The following MRM1 variants were observed in gnomAD, a reference collection of about 807,000 sequenced individuals.
MRM1 encodes the protein mitochondrial rRNA methyltransferase 1.
In MRM1, 24 loss-of-function variants were observed where a neutral mutation model predicts 25.0. That is an observed-to-expected ratio of 0.96 (90% CI 0.69 to 1.35). The LOEUF (loss-of-function observed/expected upper bound fraction) is 1.35. Ranked by LOEUF, MRM1 falls within the 40% of genes most tolerant of loss-of-function variation. The pLI, the probability that MRM1 is intolerant of heterozygous loss-of-function variation, is 0.00. For synonymous variants in MRM1, 188 were observed against 199.2 expected (o/e 0.94, Z 0.47); for missense variants, 431 against 464.1 (o/e 0.93, Z 0.65).
At chr17:36,624,460 T>G in the MRM1 span, among the ~76,000 whole-genome samples, 1 of 152,108 alleles carries the variant, frequency 6.6e-6, no homozygotes, top group Admixed American at 6.5e-5. The surrounding 1 kb of genome is among the most constrained non-coding windows in gnomAD (Gnocchi z 4.0). Flanking sequence ...CAGTCTCAGA[T>G]GAGGCTGATG....
Position 36,602,314 on chromosome 17 carries a change from C to G in MRM1, c.504C>G (p.Phe168Leu), listed in dbSNP as rs138258458. The change falls in exon 1 of 5, where the codon TTC becomes TTG. Residue 168 changes from phenylalanine to leucine, a missense_variant. Coordinates refer to ENST00000614766, the MANE Select transcript of MRM1 (RefSeq NM_024864.5). The surrounding 1 kb of genome is among the most constrained non-coding windows in gnomAD (Gnocchi z 4.1). ...GGGCTGTGCTGCGTTCCGCACACTTCCTCGGAGTGGATAAGGTCATCACCA... is the reference window on the plus strand; with the variant it reads ...GGGCTGTGCTGCGTTCCGCACACTTGCTCGGAGTGGATAAGGTCATCACCA... ...NFGAVLRSAH[F>L]LGVDKVITSR... 6.6e-4 allele frequency: 1,040 copies of G among 1,584,742 alleles called. 6 individuals are homozygous for G. In the African/African-American group the frequency reaches 0.013, roughly 19 times the overall value.
the MRM1 span, among the ~76,000 whole-genome samples, chr17:36,617,063 A>T: frequency 6.6e-6 from 1 of 152,108 alleles, no homozygotes; most frequent in South Asian, 2.1e-4. Flanking sequence ...GGGACATTCC[A>T]GTGGAGGTGC....
chr17:36,613,113 C>T (rs966925798), downstream of MRM1, among the ~76,000 whole-genome samples: 3 of 152,054 alleles, frequency 2.0e-5, no homozygotes, highest in Non-Finnish European at 4.4e-5. Context: ...TTGGTATTCT[C>T]GGAGCAGCTA....
the MRM1 span, among the ~76,000 whole-genome samples, chr17:36,622,725 C>T: frequency 1.8e-3 from 274 of 152,236 alleles, 1 homozygote; most frequent in African/African-American, 6.2e-3. Flanking sequence ...CTGGAGAGAG[C>T]GGACTAAGAG....
At chr17:36,605,343 C>CTTT (rs71159625) in intron 2 of MRM1, among the ~76,000 whole-genome samples, 18 of 144,854 alleles carry the variant, frequency 1.2e-4, no homozygotes, top group African/African-American at 2.5e-4. Flanking sequence ...TTTTCTTTTT[C>CTTT]TTTTTTTTTT....
chr17:36,602,218 G>C lies in MRM1; in HGVS notation c.408G>C (p.Glu136Asp). The C allele has an allele frequency of 6.2e-7, 1 of 1,610,482 alleles. No homozygotes were observed. The highest frequency in any genetic ancestry group is 2.2e-5 in the East Asian group (1 of 44,776). The change falls in exon 1 of 5, where the codon GAG (glutamate) becomes GAC (aspartate). Residue 136 changes from glutamate (E) to aspartate (D), a missense_variant. Coordinates refer to ENST00000614766, the MANE Select transcript of MRM1 (RefSeq NM_024864.5). This position sits in a 1 kb window ranked among gnomAD's most constrained non-coding sequence, Gnocchi z 4.1. Reference protein sequence around the residue: ...LRPRPWREAGEASPGDDPQQL... With the variant: ...LRPRPWREAGDASPGDDPQQL... ...CCCGGCCTTGGAGAGAGGCCGGGGA[G>C]GCGAGCCCAGGCGACGACCCCCAGC... is the stretch of plus-strand genomic sequence containing the variant.
At chr17:36,610,717 T>C (rs192139140), downstream of MRM1, among the ~76,000 whole-genome samples, 83 of 152,364 alleles carry the variant, frequency 5.4e-4, no homozygotes, top group African/African-American at 1.3e-3. Context: ...TGGCTTGTCA[T>C]TGGGGTCAAG....
chr17:36,630,061 A>G, the MRM1 span, among the ~76,000 whole-genome samples: 4 of 152,220 alleles, frequency 2.6e-5, no homozygotes, highest in African/African-American at 9.6e-5. Context: ...TGGGCAAGCC[A>G]CTAAGACCTC....
At chr17:36,622,571 C>CA in the MRM1 span, among the ~76,000 whole-genome samples, 5,750 of 104,146 alleles carry the variant, frequency 0.055, 261 homozygotes, top group African/African-American at 0.14. Context: ...GACTCCGTCT[C>CA]AAAAAAAAAA....
At chr17:36,613,205 C>A (rs1468710265), downstream of MRM1, among the ~76,000 whole-genome samples, 1 of 152,150 alleles carries the variant, frequency 6.6e-6, no homozygotes, top group Admixed American at 6.5e-5. Context: ...TCCCCCTCCC[C>A]CTAGGTTGGG....
At chr17:36,603,221 G>T (rs1425673474) in intron 2 of MRM1, 5 of 985,004 alleles carry the variant, frequency 5.1e-6, no homozygotes, top group African/African-American at 1.7e-5. Flanking sequence ...TCTTAAGAAG[G>T]GGGAGAGCTC....
rs1448314252 is a variant in MRM1 at position 36,602,495 on chromosome 17, G to T, written c.543-58G>T. On this transcript the variant is annotated intron_variant, in intron 1 of 4. Coordinates refer to ENST00000614766, the MANE Select transcript of MRM1 (RefSeq NM_024864.5). The surrounding 1 kb of genome is among the most constrained non-coding windows in gnomAD (Gnocchi z 4.1). ...CCTAGCCCTTGGGAGCCCTGGGAGG[G>T]TAGGGAGCCGGGCTTGAGATGGCCC... The T allele has an allele frequency of 3.7e-6, 6 of 1,611,094 alleles. No individual in the cohort carries two copies. The highest frequency in any genetic ancestry group is 5.1e-6 in the Non-Finnish European group (6 of 1,177,650).
the MRM1 span, among the ~76,000 whole-genome samples, chr17:36,625,340 CCTT>C: frequency 2.9e-5 from 2 of 70,028 alleles, no homozygotes; most frequent in African/African-American, 9.5e-5. Context: ...TTCTCCTTCG[CCTT>C]CTTCTTCTTC....
Position 36,601,597 on chromosome 17 carries a change from G to C in MRM1, c.-214G>C, listed in dbSNP as rs1227895963. 4 of 489,624 alleles carry C rather than the reference G, an allele frequency of 8.2e-6. No homozygotes were observed. The highest frequency in any genetic ancestry group is 1.4e-5 in the Non-Finnish European group (4 of 285,216). 30.3% of individuals were successfully genotyped at this position (489,624 alleles called of 1,614,324 possible). ...GGCGGGCTCCCGAACCCGGAAGCGA[G>C]GGACCCACGTGGGAGCCTGGGAGCG... On this transcript the variant is annotated 5_prime_UTR_variant, in exon 1 of 5. Coordinates refer to ENST00000614766, the MANE Select transcript of MRM1 (RefSeq NM_024864.5).
At chr17:36,604,030 G>A (rs1211613218) in intron 2 of MRM1, among the ~76,000 whole-genome samples, 1 of 152,232 alleles carries the variant, frequency 6.6e-6, no homozygotes, top group Non-Finnish European at 1.5e-5. Flanking sequence ...GACCTGGAGA[G>A]TGTCATCCGC....
At chr17:36,630,716 G>C in the MRM1 span, among the ~76,000 whole-genome samples, 470 of 152,306 alleles carry the variant, frequency 3.1e-3, 2 homozygotes, top group African/African-American at 0.011. Flanking sequence ...ACTCCTGGGG[G>C]AGAGGTCTCG....
chr17:36,632,499 T>G, the MRM1 span, among the ~76,000 whole-genome samples: 1 of 152,022 alleles, frequency 6.6e-6, no homozygotes, highest in Non-Finnish European at 1.5e-5. Context: ...GCCTGTGGGG[T>G]GGGCATGCAA....
chr17:36,610,293 C>T (rs1156397739), downstream of MRM1, among the ~76,000 whole-genome samples: 1 of 150,014 alleles, frequency 6.7e-6, no homozygotes, highest in Non-Finnish European at 1.5e-5. Flanking sequence ...AGTGCAGTGG[C>T]GCGATCTCGG....
chr17:36,601,907 GA>G lies in MRM1; in HGVS notation c.98del (p.Glu33GlyfsTer3). Reference protein sequence around the residue: ...AARHGERPGGEELSRLLLDDL... With the variant: ...AARHGERPGGXELSRLLLDDL... ...GCGGCATGGGGAGCGGCCTGGTGGG[GA>G]GGAGCTAAGCCGCTTGCTGCTGGAT... On this transcript the variant is annotated frameshift_variant, in exon 1 of 5. Transcript: ENST00000614766. LOFTEE classifies it high-confidence loss of function. 2 of 1,612,140 alleles carry G rather than the reference GA, an allele frequency of 1.2e-6. No individual in the cohort carries two copies. The highest frequency in any genetic ancestry group is 1.7e-6 in the Non-Finnish European group (2 of 1,179,836).
Sources: gnomAD v4.1 joint callset for allele counts (sites outside exome capture counted in the v4.1 genomes callset) on GRCh38, gnomAD v4.1.1 for gene constraint, Gnocchi (gnomAD v3.1) non-coding constraint, MANE v1.5 for transcripts, NCBI Gene and HGNC (gene_info 2026-07-23, HGNC 2026-07-21) for gene names.